The following FAM171A1 variants were observed in gnomAD, a reference collection of about 807,000 sequenced individuals.
The protein encoded by FAM171A1 is protein FAM171A1.
Under a neutral mutation model 74.9 loss-of-function variants are expected in FAM171A1, and 23 were observed. That is an observed-to-expected ratio of 0.31 (90% confidence interval 0.22 to 0.44). FAM171A1 has a LOEUF of 0.44. FAM171A1 is among the 20% of genes least tolerant of loss of function. The pLI, the probability that FAM171A1 is intolerant of heterozygous loss-of-function variation, is 1.00. For synonymous variants in FAM171A1, 527 were observed against 505.7 expected, an observed-to-expected ratio of 1.04 and a Z score of -0.57; for missense variants, 1,162 against 1,159.2, an observed-to-expected ratio of 1.00 and a Z score of -0.03.
chr10:15,359,365 C>T (rs1273893834), intron 1 of FAM171A1, among the ~76,000 whole-genome samples: 2 of 152,116 alleles, frequency 1.3e-5, no homozygotes, highest in Non-Finnish European at 2.9e-5. Context: ...AATGTGTGTC[C>T]ATGGTGGGTT....
At chr10:15,353,006 A>T (rs1324844277) in intron 1 of FAM171A1, among the ~76,000 whole-genome samples, 1 of 152,226 alleles carries the variant, frequency 6.6e-6, no homozygotes, top group Non-Finnish European at 1.5e-5. Context: ...GCAAAGCCGC[A>T]TTTTAAAAGG....
rs1169098742 is a variant in FAM171A1, at chr10:15,312,673, G to GTTTTTTTTTTTTTTTT, written c.98-28584_98-28569dup. ...TACTGGAATGAGTTCAGCACTGTGT[G>GTTTTTTTTTTTTTTTT]TTTTTTTTTTTTTTTTTTTTTTTTT... is the stretch of plus-strand genomic sequence containing the variant. On this transcript the variant is annotated intron_variant, in intron 1 of 7. Transcript: ENST00000378116. Among the ~76,000 whole-genome samples the GTTTTTTTTTTTTTTTT allele has an allele frequency of 1.6e-4, 6 of 36,402 alleles. 1 individual carries two copies. Among genetic ancestry groups the GTTTTTTTTTTTTTTTT allele is most frequent in the East Asian group, 1.1e-3 (1 of 946 alleles). 23.9% of individuals were successfully genotyped at this position (36,402 alleles called of 152,430 possible).
At chr10:15,312,811 C>T (rs1835380124) in intron 1 of FAM171A1, among the ~76,000 whole-genome samples, 1 of 148,674 alleles carries the variant, frequency 6.7e-6, no homozygotes, top group African/African-American at 2.5e-5. Flanking sequence ...GATTCTCCTG[C>T]CTCAGCCTCC....
At chr10:15,229,762 C>T (rs1187161169) in intron 5 of FAM171A1, among the ~76,000 whole-genome samples, 3 of 51,444 alleles carry the variant, frequency 5.8e-5, no homozygotes, top group East Asian at 1.7e-3. Flanking sequence ...ATCACCATCA[C>T]CACCATCACC....
chr10:15,339,088 G>A (rs184679582), intron 1 of FAM171A1, among the ~76,000 whole-genome samples: 132 of 152,172 alleles, frequency 8.7e-4, no homozygotes, highest in Non-Finnish European at 1.6e-3. Flanking sequence ...TTTTAAGCTC[G>A]TAAATGACTC....
At chr10:15,280,714 A>C (rs1283614136) in intron 2 of FAM171A1, among the ~76,000 whole-genome samples, 2 of 152,232 alleles carry the variant, frequency 1.3e-5, no homozygotes, top group Non-Finnish European at 2.9e-5. Context: ...GAAAGAAGGC[A>C]TTTTTTAGTT....
chr10:15,328,929 T>C (rs537893708), intron 1 of FAM171A1, among the ~76,000 whole-genome samples: 1 of 152,214 alleles, frequency 6.6e-6, no homozygotes, highest in East Asian at 1.9e-4. Context: ...CTGGCAAACA[T>C]GCAAAACAAC....
intron 3 of FAM171A1, among the ~76,000 whole-genome samples, chr10:15,263,137 G>A (rs1834683519): frequency 6.6e-6 from 1 of 152,232 alleles, no homozygotes; most frequent in Non-Finnish European, 1.5e-5. Context: ...CCCGATGACA[G>A]TGCCCATGGG....
At position 15,215,991 on chromosome 10, in the gene FAM171A1, T is replaced by G. The variant is rs1401365302; in HGVS notation, c.986+5A>C. ...AAAGATATTGCCAAAATGGTAACAC[T>G]TTACCTGCAATAATATAAAAGGAGA... is the stretch of plus-strand genomic sequence containing the variant. On this transcript the variant is annotated splice_donor_5th_base_variant and intron_variant, in intron 7 of 7. Coordinates refer to ENST00000378116, the MANE Select transcript of FAM171A1 (RefSeq NM_001010924.2). 1.9e-6 allele frequency: 3 copies of G among 1,579,628 alleles called. No homozygotes were observed. Among genetic ancestry groups the G allele is most frequent in the Admixed American group, 1.9e-5 (1 of 53,782 alleles).
chr10:15,312,336 GCTGCT>G (rs1835368917), intron 1 of FAM171A1, among the ~76,000 whole-genome samples: 1 of 152,164 alleles, frequency 6.6e-6, no homozygotes, highest in African/African-American at 2.4e-5. Flanking sequence ...TTGCTTACTC[GCTGCT>G]GAACTCCAAA....
intron 1 of FAM171A1, among the ~76,000 whole-genome samples, chr10:15,319,583 C>G (rs992270729): frequency 2.6e-5 from 4 of 152,168 alleles, no homozygotes; most frequent in African/African-American, 9.7e-5. Flanking sequence ...TAGGCATGCA[C>G]AACCACAGCC....
At chr10:15,222,021 T>A (rs758367331) in intron 5 of FAM171A1, among the ~76,000 whole-genome samples, 4 of 152,234 alleles carry the variant, frequency 2.6e-5, no homozygotes, top group African/African-American at 7.2e-5. Context: ...TGGGCTCACC[T>A]GCAGAGAGCC....
chr10:15,275,909 A>G lies in FAM171A1; in HGVS notation c.364T>C (p.Ser122Pro), dbSNP rs1449405543. Residue 122 changes from serine to proline, a missense_variant, in exon 3 of 8, where the codon TCT (serine) becomes CCT (proline). Physicochemically the swap from Ser to Pro is moderately conservative, Grantham distance 74 (BLOSUM62 -1). Coordinates refer to ENST00000378116, the MANE Select transcript of FAM171A1 (RefSeq NM_001010924.2). Reference sequence around the variant, plus strand: ...TCTTCATATACCATTAGAGTGGCAGAGCGTTCTGGAAGCAGGCCAAGGCTC... The same window carrying G: ...TCTTCATATACCATTAGAGTGGCAGGGCGTTCTGGAAGCAGGCCAAGGCTC... ...SLSLGLLPER[S>P]ATLMVYEDVV... The G allele has an allele frequency of 2.5e-5, 41 of 1,613,108 alleles. No homozygotes were observed. Among genetic ancestry groups the G allele is most frequent in the Non-Finnish European group, 3.3e-5 (39 of 1,179,380 alleles).
At chr10:15,329,175 T>C (rs1047019987) in intron 1 of FAM171A1, among the ~76,000 whole-genome samples, 11 of 152,210 alleles carry the variant, frequency 7.2e-5, no homozygotes, top group African/African-American at 2.7e-4. Context: ...TTAGTAGATA[T>C]TCATGTGTAT....
At chr10:15,272,493 A>G (rs1210743706) in intron 3 of FAM171A1, among the ~76,000 whole-genome samples, 1 of 152,164 alleles carries the variant, frequency 6.6e-6, no homozygotes, top group African/African-American at 2.4e-5. Flanking sequence ...CGAGACAGAA[A>G]GTTAAAAAGG....
At chr10:15,225,197 C>A (rs1323041621) in intron 5 of FAM171A1, among the ~76,000 whole-genome samples, 1 of 152,174 alleles carries the variant, frequency 6.6e-6, no homozygotes, top group Non-Finnish European at 1.5e-5. Context: ...TTCTTCTCAG[C>A]ACCTAGAGAT....
chr10:15,328,174 C>A (rs80110824), intron 1 of FAM171A1, among the ~76,000 whole-genome samples: 2,946 of 151,896 alleles, frequency 0.019, 95 homozygotes, highest in African/African-American at 0.067. Context: ...GATGGAGTTT[C>A]GCTCTTGTCG....
At chr10:15,278,682 A>G (rs775771716) in intron 2 of FAM171A1, among the ~76,000 whole-genome samples, 1 of 152,150 alleles carries the variant, frequency 6.6e-6, no homozygotes, top group South Asian at 2.1e-4. Context: ...TTCCAGTTCT[A>G]TGGGATGTGC....
chr10:15,213,411 T>A lies in FAM171A1; in HGVS notation c.2177A>T (p.Asp726Val). 2 of 1,614,168 alleles carry A rather than the reference T, an allele frequency of 1.2e-6. No individual in the cohort carries two copies. Among genetic ancestry groups the A allele is most frequent in the Non-Finnish European group, 1.7e-6 (2 of 1,180,034 alleles). The change falls in exon 8 of 8, where the codon GAT becomes GTT. Residue 726 changes from aspartate to valine, a missense_variant. Transcript: ENST00000378116. The surrounding 1 kb of genome is among the most constrained non-coding windows in gnomAD (Gnocchi z 6.8). ...SNAHVRHSYI[D>V]LQRAGRNGSN... The stretch of plus-strand genomic sequence containing the variant: ...TCCGTTCCTTCCAGCTCTTTGGAGA[T>A]CAATGTATGAATGTCTAACGTGAGC...
Sources: gnomAD v4.1 joint callset for allele counts (sites outside exome capture counted in the v4.1 genomes callset) on GRCh38, gnomAD v4.1.1 for gene constraint, Gnocchi (gnomAD v3.1) non-coding constraint, MANE v1.5 for transcripts, NCBI Gene and HGNC (gene_info 2026-07-23, HGNC 2026-07-21) for gene names.